The following PALLD variants were observed in gnomAD, a reference collection of about 807,000 sequenced individuals.
PALLD encodes palladin, cytoskeletal associated protein.
A neutral mutation model predicts 123.5 loss-of-function variants in PALLD; 61 were observed. The ratio of observed to expected loss-of-function variants is 0.49; its 90% CI spans 0.40 to 0.61. The LOEUF is 0.61. Among genes scored for constraint, PALLD ranks in the 20% least tolerant of loss-of-function variants. PALLD has a pLI of 0.00. For synonymous variants in PALLD, 465 were observed against 496.4 expected (o/e 0.94, Z 0.84); for missense variants, 1,273 against 1,377.0 (o/e 0.92, Z 1.20).
At chr4:168,873,395 A>G (rs1751335966) in intron 10 of PALLD, among the ~76,000 whole-genome samples, 1 of 152,212 alleles carries the variant, frequency 6.6e-6, no homozygotes. Context: ...AACCAACAGC[A>G]TATTTATTCA....
At position 168,903,762 on chromosome 4, in the gene PALLD, T is replaced by C. The variant is rs1377881127; in HGVS notation, c.2478T>C (p.Tyr826=). ...RVAGNPKPKI[Y]WFKDGKQISP... is the part of the protein sequence containing the mutation. ...ATCTTTGTTTCTATTCACAGATCTA[T>C]TGGTTTAAAGATGGGAAGCAGATCT... Residue 826 remains tyrosine, a synonymous_variant, in exon 15 of 22, where the codon TAT becomes TAC. Coordinates refer to ENST00000505667, the MANE Select transcript of PALLD (RefSeq NM_001166108.2). The C allele has an allele frequency of 1.2e-6, 2 of 1,610,552 alleles. No homozygotes were observed. The highest frequency in any genetic ancestry group is 2.2e-5 in the East Asian group (1 of 44,846).
intron 2 of PALLD, among the ~76,000 whole-genome samples, chr4:168,512,831 G>A (rs17054278): frequency 0.1 from 15,151 of 152,072 alleles, 1,573 homozygotes; most frequent in African/African-American, 0.27. Context: ...TGAAAGGCAC[G>A]AGTGTGTAGA....
intron 1 of PALLD, among the ~76,000 whole-genome samples, chr4:168,504,099 C>A (rs1016344628): frequency 6.6e-6 from 1 of 152,170 alleles, no homozygotes; most frequent in Non-Finnish European, 1.5e-5. Flanking sequence ...AGGAGAATAA[C>A]TACGCCTGCC....
Position 168,898,506 on chromosome 4 carries a change from C to T in PALLD, c.2264C>T (p.Ser755Phe). Reference protein sequence around the residue: ...PLDGQKEYKVSSCEQRLISEI... With the variant: ...PLDGQKEYKVFSCEQRLISEI... ...TCCTTGATTCAGGAATACAAAGTCTCCAGCTGTGAACAGAGACTCATCAGT... is the reference window on the plus strand; with the variant it reads ...TCCTTGATTCAGGAATACAAAGTCTTCAGCTGTGAACAGAGACTCATCAGT... The change falls in exon 14 of 22, where the codon TCC (serine) becomes TTC (phenylalanine). Residue 755 changes from serine to phenylalanine, a missense_variant. Coordinates refer to ENST00000505667, the MANE Select transcript of PALLD (RefSeq NM_001166108.2). The T allele has an allele frequency of 1.9e-6, 3 of 1,611,876 alleles. No individual in the cohort carries two copies. Among genetic ancestry groups the T allele is most frequent in the Non-Finnish European group, 2.5e-6 (3 of 1,177,980 alleles).
At position 168,725,138 on chromosome 4, in the gene PALLD, C is replaced by T. The variant is rs116643109; in HGVS notation, c.1964+13215C>T. The stretch of plus-strand genomic sequence containing the variant: ...TGAAGCTAGTGAAACAATTGAATGA[C>T]TAACAGTTGAATGCCTAGCCAAATA... On this transcript the variant is annotated intron_variant, in intron 10 of 21. Coordinates refer to ENST00000505667, the MANE Select transcript of PALLD (RefSeq NM_001166108.2). 7.4e-3 allele frequency among the ~76,000 whole-genome samples: 1,121 copies of T among 152,300 alleles called. 10 individuals carry two copies. Among genetic ancestry groups the T allele is most frequent in the Admixed American group, 0.011 (164 of 15,296 alleles).
chr4:168,861,586 A>G (rs1165162682), intron 10 of PALLD, among the ~76,000 whole-genome samples: 2 of 152,072 alleles, frequency 1.3e-5, no homozygotes, highest in South Asian at 2.1e-4. Flanking sequence ...TACCTAACTT[A>G]TGGTCACAAA....
At chr4:168,600,397 A>G (rs1772521128) in intron 2 of PALLD, among the ~76,000 whole-genome samples, 1 of 152,160 alleles carries the variant, frequency 6.6e-6, no homozygotes, top group Middle Eastern at 3.2e-3. Context: ...TACTTTCATA[A>G]TAAAAAATTA....
chr4:168,632,396 A>T (rs749615793), intron 2 of PALLD, among the ~76,000 whole-genome samples: 1 of 152,216 alleles, frequency 6.6e-6, no homozygotes, highest in Non-Finnish European at 1.5e-5. Flanking sequence ...AATGAGGTCT[A>T]GCTGGAAACA....
Position 168,688,792 on chromosome 4 carries a change from G to A in PALLD, c.1336-1811G>A, listed in dbSNP as rs548611705. 2.6e-5 allele frequency among the ~76,000 whole-genome samples: 4 copies of A among 152,024 alleles called. No homozygotes were observed. In the East Asian group the frequency reaches 7.8e-4, roughly 29 times the overall value. On this transcript the variant is annotated intron_variant, in intron 6 of 21. Coordinates refer to ENST00000505667, the MANE Select transcript of PALLD (RefSeq NM_001166108.2). ...CTTTCCGACACTGAAAAAAAAAAAT[G>A]CATAATCTTAGGAATAAATCAAAGT...
At chr4:168,524,798 T>A (rs1763893912) in intron 2 of PALLD, among the ~76,000 whole-genome samples, 1 of 152,108 alleles carries the variant, frequency 6.6e-6, no homozygotes, top group Non-Finnish European at 1.5e-5. Context: ...CATGATTGAT[T>A]CTTTAGTGGT....
intron 10 of PALLD, among the ~76,000 whole-genome samples, chr4:168,814,399 G>A (rs1741613543): frequency 6.6e-6 from 1 of 152,170 alleles, no homozygotes; most frequent in Non-Finnish European, 1.5e-5. Context: ...GGGACAATGA[G>A]GGTGGAAATG....
Position 168,770,280 on chromosome 4 carries a change from C to T in PALLD, c.1964+58357C>T, listed in dbSNP as rs541808408. 5.9e-5 allele frequency among the ~76,000 whole-genome samples: 9 copies of T among 152,276 alleles called. No homozygotes were observed. In the East Asian group the frequency reaches 7.7e-4, roughly 13 times the overall value. ...AGCACTTTAAATGTTGGATTGCTGGCGAGAATAGAAAAGCCTGTCTCCCTT... is the reference window on the plus strand; with the variant it reads ...AGCACTTTAAATGTTGGATTGCTGGTGAGAATAGAAAAGCCTGTCTCCCTT... On this transcript the variant is annotated intron_variant, in intron 10 of 21. Transcript: ENST00000505667.
intron 8 of PALLD, among the ~76,000 whole-genome samples, chr4:168,701,314 G>A (rs1783650345): frequency 6.6e-6 from 1 of 152,268 alleles, no homozygotes; most frequent in African/African-American, 2.4e-5. Flanking sequence ...GCGAGGCACA[G>A]AAGGAGCCTG....
chr4:168,587,564 G>T (rs1254641536), intron 2 of PALLD, among the ~76,000 whole-genome samples: 2 of 152,104 alleles, frequency 1.3e-5, no homozygotes, highest in Non-Finnish European at 2.9e-5. Flanking sequence ...GGTTATGAAG[G>T]ACAGCTGTGC....
intron 10 of PALLD, among the ~76,000 whole-genome samples, chr4:168,769,358 G>C (rs1482767072): frequency 6.6e-6 from 1 of 152,186 alleles, no homozygotes; most frequent in East Asian, 1.9e-4. Context: ...TCTTTAGAGA[G>C]AGGAGAAAGG....
chr4:168,542,921 C>A (rs1390129232), intron 2 of PALLD, among the ~76,000 whole-genome samples: 3 of 151,518 alleles, frequency 2.0e-5, no homozygotes, highest in Admixed American at 6.6e-5. Context: ...CAGTCTCCAC[C>A]AGCCCACTGG....
intron 2 of PALLD, among the ~76,000 whole-genome samples, chr4:168,589,749 C>A (rs940111298): frequency 6.6e-6 from 1 of 152,186 alleles, no homozygotes; most frequent in Admixed American, 6.5e-5. Context: ...TCACTCGCAA[C>A]TGAAAGAATC....
intron 2 of PALLD, among the ~76,000 whole-genome samples, chr4:168,666,094 G>A (rs2150002975): frequency 6.6e-6 from 1 of 151,850 alleles, no homozygotes; most frequent in South Asian, 2.1e-4. Flanking sequence ...CTTAGCTCAA[G>A]GACCTTATAA....
chr4:168,628,287 G>A (rs1775488078), intron 2 of PALLD, among the ~76,000 whole-genome samples: 1 of 152,158 alleles, frequency 6.6e-6, no homozygotes, highest in South Asian at 2.1e-4. Flanking sequence ...CACAGGCATG[G>A]TTACTCTGCA....
Sources: allele counts gnomAD v4.1 joint callset (sites outside exome capture counted in the v4.1 genomes callset), GRCh38; gene constraint gnomAD v4.1.1; transcripts MANE v1.5; gene names NCBI Gene and HGNC (gene_info 2026-07-23, HGNC 2026-07-21).